Variants in NT5DC1 observed in about 807,000 individuals in gnomAD.
NT5DC1 encodes the protein 5'-nucleotidase domain-containing protein 1.
NT5DC1 carries 42 observed loss-of-function variants against 59.4 expected under a neutral mutation model. The observed-to-expected ratio is 0.71, with a 90% CI of 0.55 to 0.92. The LOEUF is 0.92. NT5DC1 is among the 40% of genes least tolerant of loss of function. The probability of loss-of-function intolerance (pLI) is 0.00; values close to 1 mark genes in which losing one functional copy is unlikely to be tolerated. For missense variants in NT5DC1, 501 were observed against 537.1 expected, an observed-to-expected ratio of 0.93 and a Z score of 0.66; for synonymous variants, 172 against 188.1, an observed-to-expected ratio of 0.91 and a Z score of 0.70.
intron 6 of NT5DC1, among the ~76,000 whole-genome samples, chr6:116,211,538 T>A (rs1231691245): frequency 6.6e-6 from 1 of 152,088 alleles, no homozygotes; most frequent in Non-Finnish European, 1.5e-5. Flanking sequence ...TATATTTGGT[T>A]ATTCTTAATT....
intron 6 of NT5DC1, among the ~76,000 whole-genome samples, chr6:116,192,471 G>GA (rs1169563965): frequency 1.3e-5 from 2 of 152,018 alleles, no homozygotes; most frequent in Non-Finnish European, 2.9e-5. Context: ...ATATACAGAT[G>GA]AAAGACTTGA....
intron 4 of NT5DC1, among the ~76,000 whole-genome samples, chr6:116,115,199 A>C (rs923411190): frequency 8.6e-5 from 13 of 150,842 alleles, no homozygotes; most frequent in African/African-American, 3.2e-4. Flanking sequence ...ATTATATTCT[A>C]CTTATCACCC....
chr6:116,232,738 C>T (rs190056105), intron 8 of NT5DC1, among the ~76,000 whole-genome samples: 1 of 152,138 alleles, frequency 6.6e-6, no homozygotes, highest in Non-Finnish European at 1.5e-5. Context: ...CCCATATCTA[C>T]TTTGTAACTA....
chr6:116,175,679 T>C (rs1780718718), intron 6 of NT5DC1, among the ~76,000 whole-genome samples: 1 of 152,216 alleles, frequency 6.6e-6, no homozygotes, highest in Non-Finnish European at 1.5e-5. Flanking sequence ...TTCAGTGATA[T>C]TTCCTTAGTT....
chr6:116,175,609 GAC>G (rs1378392057), intron 6 of NT5DC1, among the ~76,000 whole-genome samples: 6 of 151,938 alleles, frequency 3.9e-5, no homozygotes, highest in African/African-American at 7.3e-5. Context: ...CTTCTCCCCC[GAC>G]ACAGTTTTTT....
intron 8 of NT5DC1, among the ~76,000 whole-genome samples, chr6:116,225,769 G>A (rs545664433): frequency 6.6e-6 from 1 of 152,346 alleles, no homozygotes; most frequent in African/African-American, 2.4e-5. Context: ...CTAGAAGACA[G>A]TGTAGGATTA....
chr6:116,106,033 G>A (rs1164515306), intron 1 of NT5DC1, among the ~76,000 whole-genome samples: 1 of 152,134 alleles, frequency 6.6e-6, no homozygotes, highest in South Asian at 2.1e-4. Context: ...GTATGCTGAC[G>A]GTATAATTTT....
chr6:116,200,254 CAG>C (rs1203781371), intron 6 of NT5DC1, among the ~76,000 whole-genome samples: 7 of 151,886 alleles, frequency 4.6e-5, no homozygotes, highest in African/African-American at 1.4e-4. Flanking sequence ...TTACCAAAAA[CAG>C]GGGAGGTCTG....
At chr6:116,232,375 G>A (rs1389824924) in intron 8 of NT5DC1, among the ~76,000 whole-genome samples, 1 of 151,874 alleles carries the variant, frequency 6.6e-6, no homozygotes, top group Non-Finnish European at 1.5e-5. Context: ...TGTTGATTAT[G>A]TCTCAACAAA....
At chr6:116,136,069 A>G (rs961715239) in intron 6 of NT5DC1, among the ~76,000 whole-genome samples, 5 of 151,930 alleles carry the variant, frequency 3.3e-5, no homozygotes, top group Non-Finnish European at 7.4e-5. Context: ...ACTTTGTGCC[A>G]CTTGAAAAAC....
At chr6:116,135,870 T>TACACACAC (rs1171866948) in intron 6 of NT5DC1, among the ~76,000 whole-genome samples, 3 of 119,274 alleles carry the variant, frequency 2.5e-5, no homozygotes, top group African/African-American at 1.0e-4. Flanking sequence ...TATATATATA[T>TACACACAC]ATACACACAT....
intron 6 of NT5DC1, among the ~76,000 whole-genome samples, chr6:116,178,284 C>T (rs918510141): frequency 6.6e-6 from 1 of 152,150 alleles, no homozygotes; most frequent in African/African-American, 2.4e-5. Context: ...GACCCTGCTT[C>T]GCTTCTGAGA....
intron 6 of NT5DC1, chr6:116,125,963 C>T (rs1025841618): frequency 6.5e-6 from 1 of 154,752 alleles, no homozygotes; most frequent in African/African-American, 2.4e-5. Context: ...TTTAATACTT[C>T]TAATACTTGA....
At chr6:116,234,262 T>G (rs1782075053) in intron 8 of NT5DC1, among the ~76,000 whole-genome samples, 1 of 150,644 alleles carries the variant, frequency 6.6e-6, no homozygotes, top group Admixed American at 6.6e-5. Flanking sequence ...GCCTGGCCCT[T>G]CTAACATATT....
At chr6:116,214,773 A>C (rs1781657951) in intron 6 of NT5DC1, among the ~76,000 whole-genome samples, 1 of 152,124 alleles carries the variant, frequency 6.6e-6, no homozygotes, top group South Asian at 2.1e-4. Flanking sequence ...ATTGTGGCTA[A>C]AGAGTTATCT....
chr6:116,243,477 C>T (rs1771778886), intron 11 of NT5DC1, among the ~76,000 whole-genome samples: 1 of 152,084 alleles, frequency 6.6e-6, no homozygotes, highest in South Asian at 2.1e-4. Flanking sequence ...TCCTAAGTGA[C>T]CTTTGATAGA....
intron 6 of NT5DC1, among the ~76,000 whole-genome samples, chr6:116,196,850 C>T (rs1458391734): frequency 2.0e-5 from 3 of 151,730 alleles, no homozygotes; most frequent in Admixed American, 6.6e-5. Context: ...AGCCAGGCAC[C>T]GTTCTTCATT....
chr6:116,208,499 T>G (rs1207760186), intron 6 of NT5DC1, among the ~76,000 whole-genome samples: 1 of 152,068 alleles, frequency 6.6e-6, no homozygotes, highest in African/African-American at 2.4e-5. Flanking sequence ...AAGGAAAACA[T>G]TCCTATTTCT....
chr6:116,210,082 T>C (rs1485703181), intron 6 of NT5DC1, among the ~76,000 whole-genome samples: 1 of 152,020 alleles, frequency 6.6e-6, no homozygotes, highest in African/African-American at 2.4e-5. Flanking sequence ...TTGAAGGGTG[T>C]GATTTCTAAG....
Sources: allele counts gnomAD v4.1 joint callset (sites outside exome capture counted in the v4.1 genomes callset), GRCh38; gene constraint gnomAD v4.1.1; transcripts MANE v1.5; gene names NCBI Gene and HGNC (gene_info 2026-07-23, HGNC 2026-07-21).